The following SLX9 variants were observed in gnomAD, a reference collection of about 807,000 sequenced individuals.
SLX9 encodes the protein ribosome biogenesis protein SLX9 homolog.
In SLX9, 19 loss-of-function variants were observed where a neutral mutation model predicts 20.8. That is an observed-to-expected ratio of 0.91 (90% CI 0.64 to 1.34). The LOEUF is 1.34. SLX9 is among the 40% of genes most tolerant of loss of function. The pLI, the probability that SLX9 is intolerant of heterozygous loss-of-function variation, is 0.00. For synonymous variants in SLX9, 113 were observed against 137.1 expected (o/e 0.82, Z 1.23); for missense variants, 299 against 322.2 (o/e 0.93, Z 0.55).
intron 2 of SLX9, among the ~76,000 whole-genome samples, chr21:44,947,170 C>T (rs2084658571): frequency 6.6e-6 from 1 of 152,226 alleles, no homozygotes; most frequent in East Asian, 1.9e-4. Context: ...TACCCCCACC[C>T]CACCCCGGGT....
At chr21:44,957,091 AC>A (rs531781213) in intron 2 of SLX9, among the ~76,000 whole-genome samples, 60 of 152,160 alleles carry the variant, frequency 3.9e-4, no homozygotes, top group African/African-American at 1.4e-3. Context: ...ACCTGCGTGC[AC>A]CCATCCCTCT....
chr21:44,963,375 C>CT (rs34354955), intron 3 of SLX9, among the ~76,000 whole-genome samples: 103,018 of 146,926 alleles, frequency 0.7, 36,321 homozygotes, highest in South Asian at 0.88. Flanking sequence ...GGCGTGAGAA[C>CT]TTTTTTTTTT....
chr21:44,949,077 C>A lies in SLX9; in HGVS notation c.283+5240C>A, dbSNP rs879858032. Among the ~76,000 whole-genome samples, 121 of 152,322 alleles carry A rather than the reference C, an allele frequency of 7.9e-4. 1 individual carries two copies. Among genetic ancestry groups the A allele is most frequent in the African/African-American group, 2.7e-3 (114 of 41,576 alleles). On this transcript the variant is annotated intron_variant, in intron 2 of 5. Transcript: ENST00000291634. ...AGCACCTGGGCTCAGCCCCAACCCC[C>A]CTTTGAGATTGGAGTGGGCGTTGGA...
At chr21:44,972,765 C>T (rs971658150) in intron 4 of SLX9, among the ~76,000 whole-genome samples, 4 of 152,194 alleles carry the variant, frequency 2.6e-5, no homozygotes, top group African/African-American at 9.7e-5. Flanking sequence ...ACTGGCTGTG[C>T]CTGCCAGGGT....
At chr21:44,951,577 C>T (rs927946425) in intron 2 of SLX9, among the ~76,000 whole-genome samples, 1 of 152,164 alleles carries the variant, frequency 6.6e-6, no homozygotes, top group Non-Finnish European at 1.5e-5. Context: ...TAGAAAATAA[C>T]ATTTCATGAT....
chr21:44,943,132 G>A (rs114883312), intron 1 of SLX9, among the ~76,000 whole-genome samples: 2,008 of 152,026 alleles, frequency 0.013, 47 homozygotes, highest in African/African-American at 0.045. Context: ...GGTCAGGGAC[G>A]GGGGGGTTCT....
intron 2 of SLX9, 110 bp downstream of exon 2, chr21:44,943,947 C>A: frequency 6.8e-7 from 1 of 1,460,388 alleles, no homozygotes; most frequent in African/African-American, 1.4e-5. Flanking sequence ...CTGACAATGT[C>A]CTTGAGCAAG....
At chr21:44,956,756 G>A (rs12482536) in intron 2 of SLX9, among the ~76,000 whole-genome samples, 26,317 of 152,246 alleles carry the variant, frequency 0.17, 2,406 homozygotes, top group Non-Finnish European at 0.2. Context: ...GTCACCCCAC[G>A]GCCCAACTCT....
At chr21:44,959,354 G>A (rs2084913258) in intron 2 of SLX9, 2 of 706,792 alleles carry the variant, frequency 2.8e-6, no homozygotes, top group African/African-American at 1.9e-5. Context: ...GGAAATGGGG[G>A]TGCCCTTGAG....
chr21:44,969,368 G>A (rs1474806452), intron 4 of SLX9: 2 of 385,668 alleles, frequency 5.2e-6, no homozygotes, highest in African/African-American at 2.1e-5. Flanking sequence ...TTTCTCATCT[G>A]AAAAATGTGC....
intron 2 of SLX9, among the ~76,000 whole-genome samples, chr21:44,956,170 G>A (rs1411360240): frequency 1.3e-5 from 2 of 152,186 alleles, no homozygotes; most frequent in Non-Finnish European, 2.9e-5. Context: ...GCAATCTCTT[G>A]TTAACTGCAG....
chr21:44,966,919 A>C, intron 3 of SLX9, 115 bp from the exon 4 acceptor site: 2 of 1,344,532 alleles, frequency 1.5e-6, no homozygotes, highest in African/African-American at 1.5e-5. Context: ...GACAGCGGGA[A>C]GGAGAGAGGC....
rs895806577 is a variant in SLX9, at chr21:44,976,547, G to A, written c.570-133G>A. ...CTCTCCCCTCCTGCCGGAAGTTTCC[G>A]AGGCCCCAGTACTCAGTCCCGTGGT... is the stretch of plus-strand genomic sequence containing the variant. On this transcript the variant is annotated intron_variant, in intron 5 of 5. Transcript: ENST00000291634. 39 of 1,373,040 alleles carry A rather than the reference G, an allele frequency of 2.8e-5. 1 individual carries two copies. Among genetic ancestry groups the A allele is most frequent in the Admixed American group, 2.8e-4 (10 of 35,986 alleles). The allele number at this position is 1,373,040 out of a possible 1,614,324, so 85.1% of individuals were successfully genotyped here. A position where few individuals can be genotyped will look rare whatever the true frequency, so the allele number is the denominator to read the frequency against.
intron 1 of SLX9, 122 bp from the exon 2 acceptor site, chr21:44,943,562 G>C: frequency 7.4e-7 from 1 of 1,351,504 alleles, no homozygotes; most frequent in Non-Finnish European, 1.0e-6. Flanking sequence ...GTCCTCCCGG[G>C]CAGAGAAGCT....
intron 5 of SLX9, among the ~76,000 whole-genome samples, chr21:44,975,123 G>A (rs561978743): frequency 6.6e-4 from 100 of 152,304 alleles, no homozygotes; most frequent in African/African-American, 2.3e-3. Flanking sequence ...TCATGTCCAT[G>A]GTGCTTTCTG....
At chr21:44,974,054 C>G (rs1463196033) in intron 5 of SLX9, among the ~76,000 whole-genome samples, 1 of 152,256 alleles carries the variant, frequency 6.6e-6, no homozygotes, top group Admixed American at 6.5e-5. Flanking sequence ...GAAATTTGTA[C>G]TCAGTTGTCC....
In SLX9 at chr21:44,967,101, G is replaced by A. The variant is rs1473226307; in HGVS notation, c.420G>A (p.Val140=). Residue 140 remains valine (V), a synonymous_variant, in exon 4 of 6, where the codon GTG becomes GTA. Transcript: ENST00000291634. ...REERRRRATV[V]VGDLHPLRDA... ...AGCGGAGGCGGAGGGCCACGGTGGT[G>A]GTGGGGGACCTGCACCCTCTCAGGG... The A allele has an allele frequency of 7.4e-6, 12 of 1,611,324 alleles. No homozygotes were observed. The highest frequency in any genetic ancestry group is 9.3e-6 in the Non-Finnish European group (11 of 1,179,546).
At chr21:44,944,201 G>A (rs918743033) in intron 2 of SLX9, among the ~76,000 whole-genome samples, 4 of 152,222 alleles carry the variant, frequency 2.6e-5, no homozygotes, top group African/African-American at 9.7e-5. Context: ...TTAAACAAGT[G>A]CTTTATGTGT....
At chr21:44,950,562 G>A (rs1480570173) in intron 2 of SLX9, among the ~76,000 whole-genome samples, 1 of 152,210 alleles carries the variant, frequency 6.6e-6, no homozygotes, top group East Asian at 1.9e-4. Flanking sequence ...TGTTTCTTAA[G>A]CCAGGCATCC....
Sources: gnomAD v4.1 joint callset for allele counts (sites outside exome capture counted in the v4.1 genomes callset) on GRCh38, gnomAD v4.1.1 for gene constraint, MANE v1.5 for transcripts, NCBI Gene and HGNC (gene_info 2026-07-23, HGNC 2026-07-21) for gene names.